The following WDFY3 variants were observed in gnomAD, a reference collection of about 807,000 sequenced individuals.
The protein encoded by WDFY3 is WD repeat and FYVE domain containing 3, also known as WD repeat and FYVE domain-containing protein 3.
WDFY3 carries 66 observed loss-of-function variants against 409.6 expected under a neutral mutation model. The ratio of observed to expected loss-of-function variants is 0.16; its 90% CI spans 0.13 to 0.20. WDFY3 has a LOEUF of 0.20. Among genes scored for constraint, WDFY3 ranks in the 10% least tolerant of loss-of-function variants. The pLI is 1.00. For missense variants in WDFY3, 3,031 were observed against 4,298.1 expected (o/e 0.71, Z 8.24); for synonymous variants, 1,521 against 1,537.1 (o/e 0.99, Z 0.25).
chr4:84,917,395 T>C (rs866089164), intron 2 of WDFY3, among the ~76,000 whole-genome samples: 6 of 152,156 alleles, frequency 3.9e-5, no homozygotes, highest in African/African-American at 1.4e-4. Context: ...AGTCATTTAG[T>C]AGGGAAGTTT....
At chr4:84,868,108 C>T (rs913208442) in intron 3 of WDFY3, among the ~76,000 whole-genome samples, 16 of 118,816 alleles carry the variant, frequency 1.3e-4, no homozygotes, top group African/African-American at 5.1e-4. Context: ...GGAGGTGGAG[C>T]TTTAAGTGAG....
At chr4:84,840,633 AG>A (rs1757202081) in intron 6 of WDFY3, among the ~76,000 whole-genome samples, 1 of 152,052 alleles carries the variant, frequency 6.6e-6, no homozygotes, top group Admixed American at 6.5e-5. Flanking sequence ...CCGAGGCTGG[AG>A]TGGTGTCATT....
chr4:84,763,712 A>T lies in WDFY3; in HGVS notation c.5188+2098T>A, dbSNP rs17009263. ...ACAAAAATGTGTATGTGTCAGATAG[A>T]TATTCAGGGAAAATTAAGTTAAGTG... is the stretch of plus-strand genomic sequence containing the variant. On this transcript the variant is annotated intron_variant, in intron 32 of 67. Transcript: ENST00000295888. Among the ~76,000 whole-genome samples, 1,291 of 152,296 alleles carry T rather than the reference A, an allele frequency of 8.5e-3. 44 individuals carry two copies. Among genetic ancestry groups the T allele is most frequent in the Admixed American group, 0.057 (871 of 15,294 alleles).
At chr4:84,726,357 C>G (rs905010039) in intron 45 of WDFY3, among the ~76,000 whole-genome samples, 4 of 151,994 alleles carry the variant, frequency 2.6e-5, no homozygotes, top group African/African-American at 9.7e-5. Context: ...CGATAATTAA[C>G]TTTTCTACTA....
intron 12 of WDFY3, among the ~76,000 whole-genome samples, chr4:84,817,999 T>TA (rs1297713111): frequency 6.6e-6 from 1 of 152,152 alleles, no homozygotes; most frequent in Non-Finnish European, 1.5e-5. Flanking sequence ...ATGGAATAAA[T>TA]TATTCCACCA....
At chr4:84,731,433 C>T (rs1736588178) in intron 44 of WDFY3, among the ~76,000 whole-genome samples, 1 of 152,110 alleles carries the variant, frequency 6.6e-6, no homozygotes, top group South Asian at 2.1e-4. Context: ...CAGATTAATC[C>T]TGACCTTGAT....
Position 84,672,067 on chromosome 4 carries a change from G to A in WDFY3, c.*801C>T, listed in dbSNP as rs1725513727. The A allele has an allele frequency of 6.6e-6, 1 of 152,210 alleles. No individual in the cohort carries two copies. The highest frequency in any genetic ancestry group is 1.9e-4 in the East Asian group (1 of 5,196). 9.4% of individuals were successfully genotyped at this position (152,210 alleles called of 1,614,324 possible). On this transcript the variant is annotated 3_prime_UTR_variant, in exon 68 of 68. Coordinates refer to ENST00000295888, the MANE Select transcript of WDFY3 (RefSeq NM_014991.6). The stretch of plus-strand genomic sequence containing the variant: ...CAAGTTTAAAAGGGGCCCTGTTTAT[G>A]TAGGAACAACACTGAGGTGGTGCGT...
chr4:84,739,158 T>C, intron 39 of WDFY3, 39 bp from the exon 40 acceptor site: 1 of 1,588,616 alleles, frequency 6.3e-7, no homozygotes, highest in African/African-American at 1.3e-5. Context: ...ATGAAGGAAA[T>C]GATTAGCTGA....
At chr4:84,897,898 T>G (rs1413905911) in intron 2 of WDFY3, among the ~76,000 whole-genome samples, 1 of 152,182 alleles carries the variant, frequency 6.6e-6, no homozygotes, top group Admixed American at 6.5e-5. Flanking sequence ...TATTTAGAGA[T>G]AACAACTATT....
chr4:84,852,025 T>C (rs1376962132), intron 4 of WDFY3, among the ~76,000 whole-genome samples: 1 of 152,236 alleles, frequency 6.6e-6, no homozygotes, highest in Non-Finnish European at 1.5e-5. Flanking sequence ...GTTTTTGGTC[T>C]TTCCTTATTA....
intron 1 of WDFY3, among the ~76,000 whole-genome samples, chr4:84,945,599 T>G (rs1002134329): frequency 6.6e-6 from 1 of 152,300 alleles, no homozygotes; most frequent in Admixed American, 6.5e-5. Context: ...AAGCTTGACA[T>G]GCAAGTTGTT....
chr4:84,699,809 T>C (rs1199794379), intron 56 of WDFY3, among the ~76,000 whole-genome samples: 4 of 152,076 alleles, frequency 2.6e-5, no homozygotes, highest in Non-Finnish European at 5.9e-5. Flanking sequence ...TAATGACTAA[T>C]GATGTTCAGC....
intron 30 of WDFY3, among the ~76,000 whole-genome samples, chr4:84,769,451 G>A (rs915665292): frequency 6.6e-6 from 1 of 152,030 alleles, no homozygotes; most frequent in African/African-American, 2.4e-5. Flanking sequence ...GTCTCACTCT[G>A]TCGCCCAGGC....
chr4:84,687,601 A>T, intron 62 of WDFY3: 1 of 152,384 alleles, frequency 6.6e-6, no homozygotes, highest in East Asian at 1.9e-4. Flanking sequence ...ACAAACTTTA[A>T]CATCTATTTG....
chr4:84,718,358 T>C, intron 48 of WDFY3, 64 bp downstream of exon 48: 1 of 1,510,010 alleles, frequency 6.6e-7, no homozygotes, highest in Admixed American at 2.2e-5. Context: ...AAAAGAAAAC[T>C]GCAAATACAT....
At chr4:84,804,487 C>T (rs1250394562) in intron 15 of WDFY3, among the ~76,000 whole-genome samples, 1 of 152,190 alleles carries the variant, frequency 6.6e-6, no homozygotes, top group Non-Finnish European at 1.5e-5. Context: ...AAATGTTCCG[C>T]TTTACTTATA....
chr4:84,871,647 CTTTTTTT>C (rs941985014), intron 3 of WDFY3, among the ~76,000 whole-genome samples: 4 of 146,586 alleles, frequency 2.7e-5, no homozygotes, highest in Admixed American at 2.7e-4. Context: ...TTTCTTTTTT[CTTTTTTT>C]GAGACAGGAT....
intron 65 of WDFY3, 99 bp from the exon 66 acceptor site, chr4:84,678,378 C>A: frequency 1.3e-6 from 1 of 797,766 alleles, no homozygotes; most frequent in African/African-American, 1.7e-5. Flanking sequence ...TAGGGTACCT[C>A]AACATACAGC....
Position 84,779,985 on chromosome 4 carries a change from G to A in WDFY3, c.4365+123C>T, listed in dbSNP as rs954142799. 1.5e-5 allele frequency: 16 copies of A among 1,088,346 alleles called. No individual in the cohort carries two copies. The African/African-American group carries it at 2.5e-4, about 17-fold the overall frequency. The allele number at this position is 1,088,346 out of a possible 1,614,324, so 67.4% of individuals were successfully genotyped here. A position where few individuals can be genotyped will look rare whatever the true frequency, so the allele number is the denominator to read the frequency against. On this transcript the variant is annotated intron_variant, in intron 26 of 67. Transcript: ENST00000295888. ...ATATATTAGTTTTCATAAAACTACT[G>A]TCTCTTTAAGTTTCCTTGGACAATA...
Sources: allele counts gnomAD v4.1 joint callset (sites outside exome capture counted in the v4.1 genomes callset), GRCh38; gene constraint gnomAD v4.1.1; transcripts MANE v1.5; gene names NCBI Gene and HGNC (gene_info 2026-07-23, HGNC 2026-07-21).